The following VGLL4 variants were observed in gnomAD, a reference collection of about 807,000 sequenced individuals.
VGLL4 encodes the protein vestigial like family member 4, also known as transcription cofactor vestigial-like protein 4.
VGLL4 carries 7 observed loss-of-function variants against 21.0 expected under a neutral mutation model. The observed-to-expected ratio is 0.33, with a 90% CI of 0.19 to 0.63. The LOEUF is 0.63. Among genes scored for constraint, VGLL4 ranks in the 20% least tolerant of loss-of-function variants. The pLI, the probability that VGLL4 is intolerant of heterozygous loss-of-function variation, is 0.78. For missense variants in VGLL4, 394 were observed against 425.7 expected, an observed-to-expected ratio of 0.93 and a Z score of 0.66; for synonymous variants, 222 against 173.2, an observed-to-expected ratio of 1.28 and a Z score of -2.21.
At chr3:11,560,638 A>G (rs2072896311) in intron 3 of VGLL4, among the ~76,000 whole-genome samples, 1 of 152,198 alleles carries the variant, frequency 6.6e-6, no homozygotes, top group Non-Finnish European at 1.5e-5. Flanking sequence ...ACTGGGATTG[A>G]ACACAAGGAC....
chr3:11,628,774 C>T (rs1198766834), intron 1 of VGLL4, among the ~76,000 whole-genome samples: 6 of 152,130 alleles, frequency 3.9e-5, no homozygotes, highest in East Asian at 1.9e-4. Context: ...GAGCAGAGAT[C>T]GCACCACTTC....
At chr3:11,588,560 C>G (rs1285378413) in intron 2 of VGLL4, among the ~76,000 whole-genome samples, 1 of 152,252 alleles carries the variant, frequency 6.6e-6, no homozygotes. Flanking sequence ...CACCTTCTGA[C>G]ACTCGAGCAC....
upstream of VGLL4, among the ~76,000 whole-genome samples, chr3:11,645,562 A>G (rs1575490585): frequency 3.4e-5 from 3 of 88,056 alleles, no homozygotes; most frequent in Admixed American, 1.4e-4. Context: ...TGCAGTCTGC[A>G]GTCCGCAGTC....
At chr3:11,628,941 A>G (rs1265999814) in intron 1 of VGLL4, among the ~76,000 whole-genome samples, 1 of 152,254 alleles carries the variant, frequency 6.6e-6, no homozygotes, top group Non-Finnish European at 1.5e-5. Flanking sequence ...ATTAGCATGC[A>G]GTAAAATAGG....
In VGLL4 at chr3:11,568,633, A is replaced by C; in HGVS notation, c.273-3614T>G. On this transcript the variant is annotated intron_variant, in intron 2 of 4. Coordinates refer to ENST00000430365, the MANE Select transcript of VGLL4 (RefSeq NM_001128219.3). This position sits in a 1 kb window ranked among gnomAD's most constrained non-coding sequence, Gnocchi z 5.9. Reference sequence around the variant, plus strand: ...TCCAGCTCATTTTCCTGGTTCCCGGAGCTTCAAGACAGACATTGTTTTCCA... The same window carrying C: ...TCCAGCTCATTTTCCTGGTTCCCGGCGCTTCAAGACAGACATTGTTTTCCA... 1 of 1,569,592 alleles carries C rather than the reference A, an allele frequency of 6.4e-7. No homozygotes were observed.
intron 1 of VGLL4, among the ~76,000 whole-genome samples, chr3:11,631,300 A>G (rs9815568): frequency 0.44 from 66,477 of 152,040 alleles, 15,002 homozygotes; most frequent in Non-Finnish European, 0.51. Flanking sequence ...CAAAAAGACT[A>G]TTAACAATAA....
At position 11,669,518 on chromosome 3, in the gene VGLL4, G is replaced by A. The variant is rs1366842992; in HGVS notation, c.64+33453C>T. On this transcript the variant is annotated intron_variant, in intron 2 of 5. Transcript: ENST00000273038. ...CTAATAAATGGTGTAAGAGGGTGAT[G>A]AAGATGGGCAATGCAACTGCTATTC... 3.9e-5 allele frequency among the ~76,000 whole-genome samples: 6 copies of A among 152,188 alleles called. No homozygotes were observed. The East Asian group carries it at 1.2e-3, about 29-fold the overall frequency.
intron 1 of VGLL4, among the ~76,000 whole-genome samples, chr3:11,707,198 T>C (rs932997101): frequency 2.6e-5 from 4 of 151,036 alleles, no homozygotes; most frequent in Non-Finnish European, 5.9e-5. Context: ...AGTGGTGGCA[T>C]GGGCCTATGG....
intron 2 of VGLL4, among the ~76,000 whole-genome samples, chr3:11,594,798 T>C (rs146351625): frequency 1.2e-4 from 19 of 152,210 alleles, no homozygotes; most frequent in African/African-American, 3.9e-4. Flanking sequence ...ATGCAGGTAA[T>C]AGAGTGCCAC....
intron 2 of VGLL4, among the ~76,000 whole-genome samples, chr3:11,691,637 C>T (rs1229061400): frequency 6.6e-6 from 1 of 152,160 alleles, no homozygotes; most frequent in Admixed American, 6.5e-5. Context: ...CTCACTGCTC[C>T]CTATAGTCTT....
At chr3:11,666,682 T>C (rs2076131879) in intron 2 of VGLL4, among the ~76,000 whole-genome samples, 1 of 152,110 alleles carries the variant, frequency 6.6e-6, no homozygotes, top group South Asian at 2.1e-4. Flanking sequence ...CTGGACATAA[T>C]TACTACTCAC....
At chr3:11,561,162 G>A (rs921686234) in intron 3 of VGLL4, among the ~76,000 whole-genome samples, 1 of 152,094 alleles carries the variant, frequency 6.6e-6, no homozygotes, top group Non-Finnish European at 1.5e-5. Flanking sequence ...ACTCCCTTTT[G>A]TGCTCAGCCG....
At position 11,573,301 on chromosome 3, in the gene VGLL4, AAG is replaced by A. The variant is rs1231352862; in HGVS notation, c.273-8284_273-8283del. 9.5e-4 allele frequency among the ~76,000 whole-genome samples: 9 copies of A among 9,522 alleles called. 1 individual carries two copies. The highest frequency in any genetic ancestry group is 1.3e-3 in the African/African-American group (2 of 1,506). 6.2% of individuals were successfully genotyped at this position (9,522 alleles called of 152,430 possible). On this transcript the variant is annotated intron_variant, in intron 2 of 4. Coordinates refer to ENST00000430365, the MANE Select transcript of VGLL4 (RefSeq NM_001128219.3). ...AAAGAAAGAAAGAAAGAAAGAAAGAAAGAAAGGAAGGAAGGAAGAAAGAAAGA... is the reference window on the plus strand; with the variant it reads ...AAAGAAAGAAAGAAAGAAAGAAAGAAAAAGGAAGGAAGGAAGAAAGAAAGA...
chr3:11,620,379 G>T (rs903811901), intron 1 of VGLL4, among the ~76,000 whole-genome samples: 2 of 152,178 alleles, frequency 1.3e-5, no homozygotes, highest in Non-Finnish European at 2.9e-5. Context: ...GGCACAGCCT[G>T]AGGGGGCAAC....
At chr3:11,667,971 A>G (rs1038399918) in intron 2 of VGLL4, among the ~76,000 whole-genome samples, 2 of 145,076 alleles carry the variant, frequency 1.4e-5, no homozygotes, top group Non-Finnish European at 3.0e-5. Context: ...CTCCTGCCTC[A>G]GCCTCCCAAG....
At chr3:11,625,050 A>G (rs1221548880) in intron 1 of VGLL4, among the ~76,000 whole-genome samples, 1 of 152,228 alleles carries the variant, frequency 6.6e-6, no homozygotes, top group African/African-American at 2.4e-5. Flanking sequence ...TATTTACAAA[A>G]TATTTGCAAA....
intron 2 of VGLL4, among the ~76,000 whole-genome samples, chr3:11,661,461 T>TTATTTATC (rs1367861171): frequency 1.1e-3 from 160 of 150,926 alleles, no homozygotes; most frequent in Non-Finnish European, 1.5e-3. Flanking sequence ...ATTTATTTAT[T>TTATTTATC]TATCTATTTA....
intron 1 of VGLL4, among the ~76,000 whole-genome samples, chr3:11,640,461 G>A (rs920316043): frequency 6.6e-6 from 1 of 152,122 alleles, no homozygotes; most frequent in African/African-American, 2.4e-5. Flanking sequence ...TGCTGAGTAC[G>A]GTAGTAATAA....
rs1046324330 is a variant in VGLL4, at chr3:11,687,012, T to G, written c.64+15959A>C. Among the ~76,000 whole-genome samples the G allele has an allele frequency of 2.4e-5, 3 of 126,808 alleles. No homozygotes were observed. In the Admixed American group the frequency reaches 2.7e-4, roughly 11 times the overall value. The allele number at this position is 126,808 out of a possible 152,430, so 83.2% of individuals were successfully genotyped here. A position where few individuals can be genotyped will look rare whatever the true frequency, so the allele number is the denominator to read the frequency against. ...GGTGTTGGCTGAATTGTAAAATACA[T>G]TTGTTACTATGGATTTGTAGCTCAA... On this transcript the variant is annotated intron_variant, in intron 2 of 5. Transcript: ENST00000273038.
Sources: gnomAD v4.1 joint callset for allele counts (sites outside exome capture counted in the v4.1 genomes callset) on GRCh38, gnomAD v4.1.1 for gene constraint, Gnocchi (gnomAD v3.1) non-coding constraint, MANE v1.5 for transcripts, NCBI Gene and HGNC (gene_info 2026-07-23, HGNC 2026-07-21) for gene names.